Variants in CLIC2 observed in about 807,000 individuals in gnomAD.
CLIC2 encodes CLIC family member 2.
CLIC2 carries 9 observed loss-of-function variants against 14.8 expected under a neutral mutation model. The observed-to-expected ratio is 0.61, with a 90% confidence interval of 0.37 to 1.06. The LOEUF is 1.06. CLIC2 is among the 50% of genes least tolerant of loss of function. The pLI is 0.01. For missense variants in CLIC2, 148 were observed against 181.4 expected, an observed-to-expected ratio of 0.82 and a Z score of 1.06; for synonymous variants, 61 against 66.3, an observed-to-expected ratio of 0.92 and a Z score of 0.39.
chrX:155,292,596 C>T (rs77323015), intron 3 of CLIC2: 1 of 325,106 alleles, frequency 3.1e-6, no homozygotes, highest in African/African-American at 2.9e-5. Flanking sequence ...CGGTGAAACC[C>T]CGTCTCTACT....
At chrX:155,310,479 C>T (rs2075070069) in intron 1 of CLIC2, 1 of 264,348 alleles carries the variant, frequency 3.8e-6, no homozygotes, top group Non-Finnish European at 7.5e-6. Flanking sequence ...TTTTTCTCAC[C>T]TTGTTTCCTT....
rs182600715 is a variant in CLIC2, at chrX:155,294,767, T to A, written c.293+4018A>T. On this transcript the variant is annotated intron_variant, in intron 3 of 5. Transcript: ENST00000369449. ...GTACAACTGTATGCTGACAAACTGATAAACCTAGAGGAAATGGATAAGTTC... is the reference window on the plus strand; with the variant it reads ...GTACAACTGTATGCTGACAAACTGAAAAACCTAGAGGAAATGGATAAGTTC... Among the ~76,000 whole-genome samples, 9 of 111,722 alleles carry A rather than the reference T, an allele frequency of 8.1e-5. No homozygotes were observed. The East Asian group carries it at 2.5e-3, about 31-fold the overall frequency.
At chrX:155,325,396 G>A (rs2075132455) in intron 1 of CLIC2, among the ~76,000 whole-genome samples, 2 of 110,988 alleles carry the variant, frequency 1.8e-5, no homozygotes, top group African/African-American at 6.6e-5. Flanking sequence ...AAGAAAATGT[G>A]GCACAGATAC....
intron 1 of CLIC2, among the ~76,000 whole-genome samples, chrX:155,308,372 G>GA (rs1291306152): frequency 4.6e-5 from 5 of 109,277 alleles, no homozygotes; most frequent in East Asian, 2.9e-4. Context: ...CGAGAAAAAA[G>GA]AAAAAAATCA....
chrX:155,320,701 T>C (rs111480822), intron 1 of CLIC2, among the ~76,000 whole-genome samples: 3,302 of 111,423 alleles, frequency 0.03, 58 homozygotes, highest in Non-Finnish European at 0.047. Context: ...CAAAACTGGA[T>C]GGAGAACGAG....
intron 1 of CLIC2, among the ~76,000 whole-genome samples, chrX:155,323,308 C>A (rs138088188): frequency 0.046 from 5,188 of 111,806 alleles, 302 homozygotes; most frequent in African/African-American, 0.16. Flanking sequence ...CTGAATCCAG[C>A]AGCACATCAA....
At chrX:155,286,530 C>T (rs967572560) in intron 3 of CLIC2, among the ~76,000 whole-genome samples, 1 of 112,272 alleles carries the variant, frequency 8.9e-6, no homozygotes, top group Middle Eastern at 4.6e-3. Context: ...GGTAGTTCTG[C>T]TGTTAGCTCT....
intron 3 of CLIC2, chrX:155,292,842 C>T (rs1557317963): frequency 5.1e-6 from 5 of 976,129 alleles, no homozygotes. Flanking sequence ...AAACCGGGAA[C>T]GCATGGAAGA....
chrX:155,281,217 G>A (rs1172708442), intron 3 of CLIC2, among the ~76,000 whole-genome samples: 1 of 108,597 alleles, frequency 9.2e-6, no homozygotes, highest in East Asian at 2.9e-4. Flanking sequence ...GCAGTGGGGG[G>A]AGGAAAGAGG....
chrX:155,334,461 C>G lies in CLIC2; in HGVS notation c.-34G>C. On this transcript the variant is annotated 5_prime_UTR_variant, in exon 1 of 6. Transcript: ENST00000369449. The stretch of plus-strand genomic sequence containing the variant: ...TTACTGCCAGTTGTCAGCCTCCTGC[C>G]TCCTGTAGAGTCCACAATACTTGTA... The G allele has an allele frequency of 8.8e-7, 1 of 1,137,007 alleles. No homozygotes were observed. The highest frequency in any genetic ancestry group is 1.2e-6 in the Non-Finnish European group (1 of 827,744). The allele number at this position is 1,137,007 out of a possible 1,213,427, so 93.7% of individuals were successfully genotyped here.
chrX:155,317,699 A>T (rs2075100084), intron 1 of CLIC2, among the ~76,000 whole-genome samples: 1 of 111,952 alleles, frequency 8.9e-6, no homozygotes, highest in South Asian at 3.7e-4. Context: ...TTATCTCTAA[A>T]TCATTCCAGG....
intron 1 of CLIC2, among the ~76,000 whole-genome samples, chrX:155,325,393 TG>T (rs1257246998): frequency 6.3e-5 from 7 of 110,618 alleles, no homozygotes; most frequent in African/African-American, 2.3e-4. Context: ...ACAAAGAAAA[TG>T]TGGCACAGAT....
chrX:155,323,926 T>C (rs781908633), intron 1 of CLIC2, among the ~76,000 whole-genome samples: 120 of 112,146 alleles, frequency 1.1e-3, no homozygotes, highest in African/African-American at 3.7e-3. Flanking sequence ...CATTCACAAT[T>C]GCTACAAAGA....
chrX:155,310,924 C>T (rs1490707591), intron 1 of CLIC2, among the ~76,000 whole-genome samples: 1 of 112,336 alleles, frequency 8.9e-6, no homozygotes, highest in African/African-American at 3.2e-5. Flanking sequence ...ATACTTTGGC[C>T]GCTTCTAGTC....
intron 1 of CLIC2, among the ~76,000 whole-genome samples, chrX:155,305,050 C>G (rs2075046143): frequency 8.9e-6 from 1 of 112,040 alleles, no homozygotes; most frequent in African/African-American, 3.2e-5. Flanking sequence ...TATGCCCTGC[C>G]CCCAGAGGTG....
At chrX:155,317,673 T>C (rs1295141672) in intron 1 of CLIC2, among the ~76,000 whole-genome samples, 1 of 111,818 alleles carries the variant, frequency 8.9e-6, no homozygotes, top group African/African-American at 3.2e-5. Flanking sequence ...CACTATTCCA[T>C]TGGATAAAAA....
intron 1 of CLIC2, among the ~76,000 whole-genome samples, chrX:155,311,092 T>C (rs1480633621): frequency 8.9e-6 from 1 of 112,074 alleles, no homozygotes; most frequent in African/African-American, 3.2e-5. Context: ...CTGGAGACAT[T>C]TTCCCCATTG....
intron 1 of CLIC2, among the ~76,000 whole-genome samples, chrX:155,315,807 A>T (rs1250009839): frequency 9.0e-6 from 1 of 111,511 alleles, no homozygotes; most frequent in African/African-American, 3.3e-5. Context: ...CCTCACTTAA[A>T]AGATATAGAA....
At chrX:155,295,790 C>A (rs990945495) in intron 3 of CLIC2, among the ~76,000 whole-genome samples, 3 of 110,924 alleles carry the variant, frequency 2.7e-5, no homozygotes, top group Admixed American at 9.6e-5. Flanking sequence ...ATTAAAATAT[C>A]TAGGAATAAT....
Sources: gnomAD v4.1 joint callset for allele counts (sites outside exome capture counted in the v4.1 genomes callset) on GRCh38, gnomAD v4.1.1 for gene constraint, MANE v1.5 for transcripts, NCBI Gene and HGNC (gene_info 2026-07-23, HGNC 2026-07-21) for gene names.